Variants in MAPK8 observed in about 807,000 individuals in gnomAD.
MAPK8 encodes JUN N-terminal kinase.
In MAPK8, 13 loss-of-function variants were observed where a neutral mutation model predicts 52.9. The observed-to-expected ratio is 0.25, with a 90% CI of 0.16 to 0.39. MAPK8 has a LOEUF of 0.39. Ranked by LOEUF, MAPK8 falls within the 10% of genes least tolerant of loss-of-function variation. The probability of loss-of-function intolerance (pLI) is 1.00; values close to 1 mark genes in which losing one functional copy is unlikely to be tolerated. For missense variants in MAPK8, 300 were observed against 519.2 expected (o/e 0.58, Z 4.10); for synonymous variants, 191 against 169.8 (o/e 1.12, Z -0.97).
chr10:48,401,466 A>AT (rs1234792056), intron 1 of MAPK8, 146 bp from the exon 2 acceptor site: 33 of 506,678 alleles, frequency 6.5e-5, no homozygotes, highest in Non-Finnish European at 8.0e-5. Context: ...GCTCTGCGGT[A>AT]TTTTTTTTCT....
chr10:48,313,662 A>G (rs1842211070), intron 1 of MAPK8, among the ~76,000 whole-genome samples: 1 of 152,250 alleles, frequency 6.6e-6, no homozygotes, highest in Non-Finnish European at 1.5e-5. Flanking sequence ...ACATATATAC[A>G]GTACTGTATA....
intron 1 of MAPK8, among the ~76,000 whole-genome samples, chr10:48,397,548 A>G (rs766882511): frequency 2.6e-5 from 4 of 152,128 alleles, no homozygotes; most frequent in Non-Finnish European, 5.9e-5. Flanking sequence ...TTATAAAGGG[A>G]TGGCATGAAG....
At chr10:48,423,715 AATTTT>A (rs1238201953) in intron 6 of MAPK8, among the ~76,000 whole-genome samples, 1 of 152,116 alleles carries the variant, frequency 6.6e-6, no homozygotes, top group Non-Finnish European at 1.5e-5. Flanking sequence ...ATAGTATAAC[AATTTT>A]ATTTTTATAA....
chr10:48,367,374 A>T (rs947111779), intron 1 of MAPK8, among the ~76,000 whole-genome samples: 5 of 150,786 alleles, frequency 3.3e-5, no homozygotes, highest in Non-Finnish European at 7.4e-5. Context: ...TTAAAAATTA[A>T]AAATAAATAA....
At chr10:48,387,218 C>A (rs546810620) in intron 1 of MAPK8, among the ~76,000 whole-genome samples, 1 of 152,118 alleles carries the variant, frequency 6.6e-6, no homozygotes, top group Non-Finnish European at 1.5e-5. Context: ...ATTAGTATAC[C>A]TGCTAGAAAG....
At chr10:48,326,427 A>T (rs1254786329) in intron 1 of MAPK8, among the ~76,000 whole-genome samples, 1 of 151,824 alleles carries the variant, frequency 6.6e-6, no homozygotes. Flanking sequence ...ACTGCAGGAT[A>T]CTCCCAGCTC....
Position 48,404,977 on chromosome 10 carries a change from A to G in MAPK8, c.248A>G (p.Lys83Arg). ...ELVLMKCVNH[K>R]NIIGLLNVFT... ...GTTCTTATGAAATGTGTTAATCACA[A>G]AAATGTAAGTGAACATTTTTGGTTT... Residue 83 changes from lysine to arginine, a missense_variant, in exon 3 of 12, where the codon AAA becomes AGA. This residue lies in a region of MAPK8 where 147 missense variants were observed against 328.1 expected (regional missense o/e 0.45). Transcript: ENST00000374189. The G allele has an allele frequency of 2.5e-6, 4 of 1,597,202 alleles. No homozygotes were observed. The highest frequency in any genetic ancestry group is 3.4e-6 in the Non-Finnish European group (4 of 1,173,526).
intron 1 of MAPK8, among the ~76,000 whole-genome samples, chr10:48,344,575 CATT>C (rs751952700): frequency 2.6e-5 from 4 of 152,186 alleles, no homozygotes; most frequent in Non-Finnish European, 5.9e-5. Context: ...ACCAGGATCT[CATT>C]GTTGATATAC....
Position 48,386,221 on chromosome 10 carries a change from C to T in MAPK8, c.-49-15391C>T, listed in dbSNP as rs73296801. Among the ~76,000 whole-genome samples, 529 of 152,162 alleles carry T rather than the reference C, an allele frequency of 3.5e-3. 5 individuals carry two copies. Among genetic ancestry groups the T allele is most frequent in the African/African-American group, 0.012 (516 of 41,518 alleles). ...AAAATGTCAGGCATTCGGGTCTTCT[C>T]AAGGAATGAGATTTTTCAGTATGTA... On this transcript the variant is annotated intron_variant, in intron 1 of 11. Transcript: ENST00000374189.
intron 1 of MAPK8, among the ~76,000 whole-genome samples, chr10:48,320,619 A>G (rs1023518898): frequency 6.6e-6 from 1 of 152,088 alleles, no homozygotes; most frequent in African/African-American, 2.4e-5. Flanking sequence ...TTTGATGGGC[A>G]TTTGGATTGT....
chr10:48,352,312 C>CAA (rs1305536837), intron 1 of MAPK8, among the ~76,000 whole-genome samples: 1 of 136,020 alleles, frequency 7.4e-6, no homozygotes, highest in African/African-American at 2.7e-5. Context: ...AAGACAATAC[C>CAA]AAAAAAAAAA....
chr10:48,387,145 C>T (rs1030247878), intron 1 of MAPK8, among the ~76,000 whole-genome samples: 5 of 152,168 alleles, frequency 3.3e-5, no homozygotes, highest in African/African-American at 1.2e-4. Flanking sequence ...ACAAACCAGG[C>T]CTCTTTCTCC....
Position 48,324,503 on chromosome 10 carries a change from G to GTTTTTTTTTTTTTTT in MAPK8, c.-50+17685_-50+17699dup, listed in dbSNP as rs370766776. Among the ~76,000 whole-genome samples the GTTTTTTTTTTTTTTT allele has an allele frequency of 8.5e-3, 998 of 117,830 alleles. 108 individuals carry two copies. The highest frequency in any genetic ancestry group is 0.03 in the African/African-American group (829 of 27,974). 77.3% of individuals were successfully genotyped at this position (117,830 alleles called of 152,430 possible). A position where few individuals can be genotyped will look rare whatever the true frequency, so the allele number is the denominator to read the frequency against. Reference sequence around the variant, plus strand: ...TATACAACAGTTGTCCTGTTTTCTAGTTTTTTTTTTTTTTTTTACACTCAT... The same window carrying GTTTTTTTTTTTTTTT: ...TATACAACAGTTGTCCTGTTTTCTAGTTTTTTTTTTTTTTTTTTTTTTTTTTTTTTTTACACTCAT... On this transcript the variant is annotated intron_variant, in intron 1 of 11. Transcript: ENST00000374189.
At chr10:48,430,932 C>A in intron 10 of MAPK8, 1 of 476,516 alleles carries the variant, frequency 2.1e-6, no homozygotes, top group Non-Finnish European at 3.7e-6. Flanking sequence ...AGCTTCTACC[C>A]CAGCACTATC....
At chr10:48,331,844 A>G (rs186849947) in intron 1 of MAPK8, among the ~76,000 whole-genome samples, 7 of 152,152 alleles carry the variant, frequency 4.6e-5, no homozygotes, top group Non-Finnish European at 8.8e-5. Flanking sequence ...AATCCCAAGT[A>G]TTTTCTTGGG....
chr10:48,355,775 A>G (rs1472002306), intron 1 of MAPK8, among the ~76,000 whole-genome samples: 1 of 152,226 alleles, frequency 6.6e-6, no homozygotes, highest in Non-Finnish European at 1.5e-5. Flanking sequence ...GAAGAAGCAC[A>G]GGAACCTAAG....
At chr10:48,325,569 A>T (rs1337272897) in intron 1 of MAPK8, among the ~76,000 whole-genome samples, 2 of 152,218 alleles carry the variant, frequency 1.3e-5, no homozygotes, top group Non-Finnish European at 2.9e-5. Context: ...TTGAGTATAT[A>T]CTACAGTTTC....
chr10:48,368,911 A>G lies in MAPK8; in HGVS notation c.-49-32701A>G, dbSNP rs73296759. Among the ~76,000 whole-genome samples, 457 of 152,266 alleles carry G rather than the reference A, an allele frequency of 3.0e-3. 4 individuals are homozygous for G. The highest frequency in any genetic ancestry group is 0.011 in the African/African-American group (445 of 41,556). ...GCTCTGTGTATACTGTCTTCTCTTA[A>G]CTATACAGCTCTAACTTAACAGCCT... On this transcript the variant is annotated intron_variant, in intron 1 of 11. Coordinates refer to ENST00000374189, the MANE Select transcript of MAPK8 (RefSeq NM_001323329.2).
At chr10:48,384,169 T>C (rs936410754) in intron 1 of MAPK8, among the ~76,000 whole-genome samples, 4 of 152,176 alleles carry the variant, frequency 2.6e-5, no homozygotes, top group African/African-American at 9.7e-5. Context: ...GAAGAATCGC[T>C]TGAGCCGGAG....
Sources: allele counts gnomAD v4.1 joint callset (sites outside exome capture counted in the v4.1 genomes callset), GRCh38; gene constraint gnomAD v4.1.1; regional missense constraint gnomAD v4.1.1; transcripts MANE v1.5; gene names NCBI Gene and HGNC (gene_info 2026-07-23, HGNC 2026-07-21).